The following MTARC1 variants were observed in gnomAD, a reference collection of about 807,000 sequenced individuals.
The protein encoded by MTARC1 is mitochondrial amidoxime-reducing component 1.
Under a neutral mutation model 33.6 loss-of-function variants are expected in MTARC1, and 24 were observed. That is an observed-to-expected ratio of 0.72 (90% CI 0.52 to 1.01). The LOEUF (loss-of-function observed/expected upper bound fraction) is 1.01, where lower values mean the gene tolerates loss of function less well. MTARC1 is among the 50% of genes least tolerant of loss of function. The probability of loss-of-function intolerance (pLI) is 0.00; values close to 1 mark genes in which losing one functional copy is unlikely to be tolerated. For synonymous variants in MTARC1, 187 were observed against 189.5 expected, an observed-to-expected ratio of 0.99 and a Z score of 0.11; for missense variants, 417 against 445.7, an observed-to-expected ratio of 0.94 and a Z score of 0.58.
chr1:220,809,518 T>TTTAATTTAATTTAATTTAA, intron 6 of MTARC1, among the ~76,000 whole-genome samples: 1 of 114,412 alleles, frequency 8.7e-6, no homozygotes, highest in Admixed American at 8.1e-5. Context: ...ATTTAATTTA[T>TTTAATTTAATTTAATTTAA]TTATTTATTG....
At position 220,813,427 on chromosome 1, in the gene MTARC1, G is replaced by T; in HGVS notation, c.*9G>T. ...ACCTGCTGGGCCAGTAATGGGAACCGTATGTCCTGGAATATTAGATGCCTT... is the reference window on the plus strand; with the variant it reads ...ACCTGCTGGGCCAGTAATGGGAACCTTATGTCCTGGAATATTAGATGCCTT... On this transcript the variant is annotated 3_prime_UTR_variant, in exon 7 of 7. Transcript: ENST00000366910. 1 of 1,614,018 alleles carries T rather than the reference G, an allele frequency of 6.2e-7. No individual in the cohort carries two copies. The highest frequency in any genetic ancestry group is 8.5e-7 in the Non-Finnish European group (1 of 1,179,936).
intron 1 of MTARC1, among the ~76,000 whole-genome samples, chr1:220,789,350 A>G (rs1239446563): frequency 6.6e-6 from 1 of 152,354 alleles, no homozygotes; most frequent in South Asian, 2.1e-4. Context: ...GAGGGGTCCA[A>G]TCTTTTGGCT....
At chr1:220,808,217 C>T (rs533618629) in intron 6 of MTARC1, among the ~76,000 whole-genome samples, 1 of 152,178 alleles carries the variant, frequency 6.6e-6, no homozygotes, top group Admixed American at 6.5e-5. Flanking sequence ...TCAGTGCCCC[C>T]CTTCCTCCAT....
chr1:220,802,141 C>G (rs889277091), intron 4 of MTARC1, among the ~76,000 whole-genome samples: 1 of 152,134 alleles, frequency 6.6e-6, no homozygotes, highest in Non-Finnish European at 1.5e-5. Context: ...CTTTTCTCTC[C>G]CCTCCTTGGT....
At position 220,813,301 on chromosome 1, in the gene MTARC1, G is replaced by T. The variant is rs765522865; in HGVS notation, c.897G>T (p.Gln299His). 1 of 1,614,124 alleles carries T rather than the reference G, an allele frequency of 6.2e-7. No homozygotes were observed. Among genetic ancestry groups the T allele is most frequent in the Admixed American group, 1.7e-5 (1 of 60,024 alleles). The part of the protein sequence containing the change: ...EPLETLKSYR[Q>H]CDPSERKLYG... The stretch of plus-strand genomic sequence containing the variant: ...TCTTTTCCTATTGCAGTTATCGCCA[G>T]TGTGACCCTTCAGAACGAAAGTTAT... The change falls in exon 7 of 7, where the codon CAG becomes CAT. Residue 299 changes from glutamine (Q) to histidine (H), a missense_variant. Transcript: ENST00000366910.
At chr1:220,807,933 C>T (rs1020100703) in intron 6 of MTARC1, among the ~76,000 whole-genome samples, 1 of 151,996 alleles carries the variant, frequency 6.6e-6, no homozygotes, top group Non-Finnish European at 1.5e-5. Flanking sequence ...TGCAGCACAC[C>T]GACTGCTGTG....
chr1:220,787,079 C>T lies in MTARC1; in HGVS notation c.135C>T (p.Pro45=). ...CTGTCGCCTGGCGCCGCGCATGGCCCACGCGGCGCCGGCGGCTGCTGCAGC... is the reference window on the plus strand; with the variant it reads ...CTGTCGCCTGGCGCCGCGCATGGCCTACGCGGCGCCGGCGGCTGCTGCAGC... ...LGAVAWRRAW[P]TRRRRLLQQV... The change falls in exon 1 of 7, where the codon CCC becomes CCT. Residue 45 remains proline, a synonymous_variant. Transcript: ENST00000366910. 1 of 1,498,370 alleles carries T rather than the reference C, an allele frequency of 6.7e-7. No homozygotes were observed. Among genetic ancestry groups the T allele is most frequent in the Non-Finnish European group, 8.9e-7 (1 of 1,127,978 alleles). 92.8% of individuals were successfully genotyped at this position (1,498,370 alleles called of 1,614,324 possible). A position where few individuals can be genotyped will look rare whatever the true frequency, so the allele number is the denominator to read the frequency against.
intron 4 of MTARC1, among the ~76,000 whole-genome samples, chr1:220,801,247 T>G (rs11118605): frequency 0.52 from 78,715 of 151,816 alleles, 22,517 homozygotes; most frequent in African/African-American, 0.78. Context: ...GCCCCAGCTG[T>G]GTCCTCTGCC....
At chr1:220,796,597 G>A (rs767853764) in intron 2 of MTARC1, 46 bp from the exon 3 acceptor site, 1 of 1,526,078 alleles carries the variant, frequency 6.6e-7, no homozygotes, top group Admixed American at 2.4e-5. Context: ...TAGGGTGCAT[G>A]GATTTTCAAA....
chr1:220,791,779 A>T (rs897837881), intron 2 of MTARC1, 115 bp downstream of exon 2: 2 of 1,138,376 alleles, frequency 1.8e-6, no homozygotes, highest in Non-Finnish European at 2.5e-6. Context: ...CGTTGATTGC[A>T]TGTGTACCAT....
At chr1:220,796,967 A>G (rs758392409) in intron 3 of MTARC1, among the ~76,000 whole-genome samples, 162 bp downstream of exon 3, 26 of 152,148 alleles carry the variant, frequency 1.7e-4, no homozygotes, top group Non-Finnish European at 3.2e-4. Flanking sequence ...CCTTGGAAGC[A>G]TTGTTTGTTT....
intron 6 of MTARC1, among the ~76,000 whole-genome samples, 200 bp downstream of exon 6, chr1:220,805,474 T>C (rs1411367164): frequency 6.6e-6 from 1 of 152,234 alleles, no homozygotes; most frequent in East Asian, 1.9e-4. Flanking sequence ...AAACAAGTAC[T>C]TTTATTTTTC....
chr1:220,808,093 C>G (rs1673023755), intron 6 of MTARC1, among the ~76,000 whole-genome samples: 1 of 152,112 alleles, frequency 6.6e-6, no homozygotes, highest in Admixed American at 6.5e-5. Flanking sequence ...TTTCTCTTCC[C>G]CCTGTGTGTT....
rs1244963984 is a variant in MTARC1 at position 220,787,226 on chromosome 1, C to T, written c.275+7C>T. The T allele has an allele frequency of 1.0e-5, 16 of 1,559,476 alleles. No homozygotes were observed. The highest frequency in any genetic ancestry group is 1.4e-5 in the Non-Finnish European group (16 of 1,154,004). On this transcript the variant is annotated splice_region_variant and intron_variant, in intron 1 of 6. Coordinates refer to ENST00000366910, the MANE Select transcript of MTARC1 (RefSeq NM_022746.4). ...GCGGCAACCTGCGGGACAGGTACGG[C>T]CAAGCGCCGGCGCGGGGCAGCGCTG... is the stretch of plus-strand genomic sequence containing the variant.
chr1:220,813,564 G>A lies in MTARC1; in HGVS notation c.*146G>A, dbSNP rs972040347. The A allele has an allele frequency of 6.7e-6, 7 of 1,039,212 alleles. No individual in the cohort carries two copies. In the African/African-American group the frequency reaches 8.1e-5, roughly 12 times the overall value. 64.4% of individuals were successfully genotyped at this position (1,039,212 alleles called of 1,614,324 possible). On this transcript the variant is annotated 3_prime_UTR_variant, in exon 7 of 7. Transcript: ENST00000366910. Reference sequence around the variant, plus strand: ...ACATTTTTCGTCTTTTGGACTTCTGGTGTCTCAATGCTTCAATGTCCCAGT... The same window carrying A: ...ACATTTTTCGTCTTTTGGACTTCTGATGTCTCAATGCTTCAATGTCCCAGT...
intron 1 of MTARC1, among the ~76,000 whole-genome samples, chr1:220,790,778 G>A (rs1672396199): frequency 6.6e-6 from 1 of 152,184 alleles, no homozygotes; most frequent in Non-Finnish European, 1.5e-5. Flanking sequence ...TGGTAGCTGA[G>A]AGATAACCTG....
chr1:220,802,989 A>G (rs1238437945), intron 4 of MTARC1, among the ~76,000 whole-genome samples: 2 of 152,122 alleles, frequency 1.3e-5, no homozygotes, highest in East Asian at 3.9e-4. Flanking sequence ...CCACTCAATC[A>G]TTACATTCCT....
intron 6 of MTARC1, among the ~76,000 whole-genome samples, chr1:220,811,625 T>TA (rs34765819): frequency 0.25 from 38,750 of 152,090 alleles, 5,202 homozygotes; most frequent in East Asian, 0.35. Context: ...ATGATTTATC[T>TA]AAAATGTTTT....
chr1:220,796,853 T>C (rs1438995167), intron 3 of MTARC1, 48 bp downstream of exon 3: 40 of 1,530,578 alleles, frequency 2.6e-5, no homozygotes, highest in Non-Finnish European at 3.5e-5. Context: ...CACCCCCAGA[T>C]CAGGGGGCTC....
Sources: allele counts gnomAD v4.1 joint callset (sites outside exome capture counted in the v4.1 genomes callset), GRCh38; gene constraint gnomAD v4.1.1; transcripts MANE v1.5; gene names NCBI Gene and HGNC (gene_info 2026-07-23, HGNC 2026-07-21).